The following ARL3 variants were observed in gnomAD, a reference collection of about 807,000 sequenced individuals.
ARL3 encodes ADP-ribosylation factor-like protein 3.
In ARL3, 9 loss-of-function variants were observed where a neutral mutation model predicts 26.0. The ratio of observed to expected loss-of-function variants is 0.35; its 90% CI spans 0.21 to 0.60. The LOEUF (loss-of-function observed/expected upper bound fraction) is 0.60, where lower values mean the gene tolerates loss of function less well. Among genes scored for constraint, ARL3 ranks in the 20% least tolerant of loss-of-function variants. The pLI is 0.78. For missense variants in ARL3, 158 were observed against 215.7 expected, an observed-to-expected ratio of 0.73 and a Z score of 1.67; for synonymous variants, 71 against 78.4, an observed-to-expected ratio of 0.91 and a Z score of 0.50.
At position 102,676,746 on chromosome 10, in the gene ARL3, G is replaced by C; in HGVS notation, c.*148C>G. 1.4e-6 allele frequency: 1 copy of C among 729,526 alleles called. No individual in the cohort carries two copies. The allele number at this position is 729,526 out of a possible 1,614,324, so 45.2% of individuals were successfully genotyped here. ...TCAGTTAAATCTACTGCTGGAATGG[G>C]GATTCTTTCTAAACCGTGTTGTTCC... is the stretch of plus-strand genomic sequence containing the variant. On this transcript the variant is annotated 3_prime_UTR_variant, in exon 6 of 6. Transcript: ENST00000260746.
At chr10:102,706,247 C>G (rs1169314077) in intron 1 of ARL3, among the ~76,000 whole-genome samples, 2 of 152,042 alleles carry the variant, frequency 1.3e-5, no homozygotes. Flanking sequence ...GTCAGGAGAT[C>G]GAGACCATCC....
rs1406443941 is a variant in ARL3, at chr10:102,685,972, T to C, written c.345A>G (p.Lys115=). 1.1e-5 allele frequency: 17 copies of C among 1,613,694 alleles called. No individual in the cohort carries two copies. Among genetic ancestry groups the C allele is most frequent in the Non-Finnish European group, 1.4e-5 (17 of 1,179,864 alleles). ...AGATGAGCACTGGCACACAACTTAG[T>C]TTTTCTTCCTCCAGTAATTCCGCTA... ...QELAELLEEE[K]LSCVPVLIFA... is the part of the protein sequence containing the mutation. The change falls in exon 5 of 6, where the codon AAA becomes AAG. Residue 115 remains lysine (K), a synonymous_variant. Coordinates refer to ENST00000260746, the MANE Select transcript of ARL3 (RefSeq NM_004311.4).
chr10:102,689,335 A>C (rs185654762), intron 4 of ARL3, among the ~76,000 whole-genome samples: 121 of 151,376 alleles, frequency 8.0e-4, no homozygotes, highest in Non-Finnish European at 1.4e-3. Flanking sequence ...TGGAGGGGGG[A>C]AAAAAAAACT....
chr10:102,705,859 C>A (rs2064308325), intron 1 of ARL3, among the ~76,000 whole-genome samples: 1 of 152,024 alleles, frequency 6.6e-6, no homozygotes, highest in Non-Finnish European at 1.5e-5. Context: ...TATTTTTCTC[C>A]TTTACTAAAG....
At chr10:102,703,801 T>TTTGC (rs1316125184) in intron 2 of ARL3, among the ~76,000 whole-genome samples, 1 of 151,888 alleles carries the variant, frequency 6.6e-6, no homozygotes, top group Non-Finnish European at 1.5e-5. Flanking sequence ...TCCTTTATGC[T>TTTGC]TTGCTTGCTT....
At position 102,689,878 on chromosome 10, in the gene ARL3, A is replaced by C. The variant is rs2064207746; in HGVS notation, c.315+15T>G. On this transcript the variant is annotated intron_variant, in intron 4 of 5. Transcript: ENST00000260746. ...TATATATATAAGAACTTTGATATAA[A>C]AAAGAATTATTTACCTGACCCGTCT... 7 of 1,552,336 alleles carry C rather than the reference A, an allele frequency of 4.5e-6. No homozygotes were observed. Among genetic ancestry groups the C allele is most frequent in the Non-Finnish European group, 6.2e-6 (7 of 1,136,540 alleles).
chr10:102,685,856 T>G lies in ARL3; in HGVS notation c.461A>C (p.Gln154Pro). 5 of 1,614,018 alleles carry G rather than the reference T, an allele frequency of 3.1e-6. No individual in the cohort carries two copies. Among genetic ancestry groups the G allele is most frequent in the Non-Finnish European group, 4.2e-6 (5 of 1,179,940 alleles). The stretch of plus-strand genomic sequence containing the variant: ...TGTGAGAGCTGAGCAAGACTGGATC[T>G]GCCAGACTCGGTCGCGGATGGTATG... ...NLHTIRDRVW[Q>P]IQSCSALTGE... Residue 154 changes from glutamine to proline, a missense_variant, in exon 5 of 6, where the codon CAG becomes CCG. Physicochemically the swap from Gln to Pro is moderately conservative, Grantham distance 76. Transcript: ENST00000260746.
At chr10:102,692,351 C>A (rs1157579332) in intron 3 of ARL3, among the ~76,000 whole-genome samples, 1 of 152,236 alleles carries the variant, frequency 6.6e-6, no homozygotes, top group African/African-American at 2.4e-5. Flanking sequence ...CTCTCAGCCA[C>A]CTGCTTTTTC....
chr10:102,705,931 A>G (rs2064308778), intron 1 of ARL3, among the ~76,000 whole-genome samples: 1 of 152,210 alleles, frequency 6.6e-6, no homozygotes, highest in Non-Finnish European at 1.5e-5. Context: ...CAGACACTAG[A>G]TAACACTTGT....
chr10:102,711,336 G>GTATA (rs201365195), intron 1 of ARL3, among the ~76,000 whole-genome samples: 12 of 71,336 alleles, frequency 1.7e-4, no homozygotes, highest in African/African-American at 7.4e-4. Flanking sequence ...GTGTGTGTGT[G>GTATA]TATATATATA....
intron 4 of ARL3, among the ~76,000 whole-genome samples, chr10:102,687,119 A>AC (rs748214556): frequency 3.7e-4 from 54 of 145,004 alleles, no homozygotes; most frequent in Middle Eastern, 8.2e-3. Flanking sequence ...CTTGTGATCC[A>AC]CCCCCCACCT....
intron 3 of ARL3, among the ~76,000 whole-genome samples, chr10:102,695,743 C>A (rs1464559860): frequency 1.3e-5 from 2 of 152,204 alleles, no homozygotes; most frequent in Non-Finnish European, 2.9e-5. Context: ...TCTCGAACTC[C>A]TGACCTTAAG....
At chr10:102,708,683 C>A (rs2064321433) in intron 1 of ARL3, among the ~76,000 whole-genome samples, 1 of 151,610 alleles carries the variant, frequency 6.6e-6, no homozygotes, top group Non-Finnish European at 1.5e-5. Flanking sequence ...ATGGCGAAAT[C>A]CCGTATCTAC....
At chr10:102,692,569 C>T (rs1353852486) in intron 3 of ARL3, among the ~76,000 whole-genome samples, 1 of 151,910 alleles carries the variant, frequency 6.6e-6, no homozygotes, top group Non-Finnish European at 1.5e-5. Context: ...GCATGTGCCA[C>T]CACACCTGGC....
chr10:102,691,108 G>T (rs970277916), intron 3 of ARL3, among the ~76,000 whole-genome samples: 4 of 151,974 alleles, frequency 2.6e-5, no homozygotes, highest in African/African-American at 9.7e-5. Context: ...AGCCTCTGTG[G>T]CCCATACAAT....
At chr10:102,681,520 C>T (rs1020354372) in intron 5 of ARL3, among the ~76,000 whole-genome samples, 6 of 152,096 alleles carry the variant, frequency 3.9e-5, no homozygotes, top group African/African-American at 1.2e-4. Flanking sequence ...GACTCAGGCA[C>T]GGATCACAGC....
intron 2 of ARL3, among the ~76,000 whole-genome samples, 185 bp from the exon 3 acceptor site, chr10:102,699,674 C>G (rs913776702): frequency 2.0e-5 from 3 of 152,158 alleles, no homozygotes; most frequent in African/African-American, 7.2e-5. Context: ...CTTGTTTCAT[C>G]CAGGTTGTGG....
rs577028604 is a variant in ARL3, at chr10:102,675,417, G to A, written c.*1477C>T. 2 of 152,404 alleles carry A rather than the reference G, an allele frequency of 1.3e-5. No homozygotes were observed. Among genetic ancestry groups the A allele is most frequent in the East Asian group, 3.9e-4 (2 of 5,186 alleles). The allele number at this position is 152,404 out of a possible 1,614,324, so 9.4% of individuals were successfully genotyped here. A position where few individuals can be genotyped will look rare whatever the true frequency, so the allele number is the denominator to read the frequency against. On this transcript the variant is annotated 3_prime_UTR_variant, in exon 6 of 6. Transcript: ENST00000260746. ...TTCAGTCTGCTCACACGCCCTGATG[G>A]GCTTGGGAAGGGCCACCTCCCAGGA...
intron 2 of ARL3, among the ~76,000 whole-genome samples, chr10:102,704,531 T>C (rs1305123241): frequency 1.3e-5 from 2 of 152,132 alleles, no homozygotes; most frequent in East Asian, 3.9e-4. Context: ...TCCCAGCTAC[T>C]AGGGAGGCTG....
Sources: gnomAD v4.1 joint callset for allele counts (sites outside exome capture counted in the v4.1 genomes callset) on GRCh38, gnomAD v4.1.1 for gene constraint, MANE v1.5 for transcripts, NCBI Gene and HGNC (gene_info 2026-07-23, HGNC 2026-07-21) for gene names.